The following GAS7 variants were observed in gnomAD, a reference collection of about 807,000 sequenced individuals.
The protein encoded by GAS7 is growth arrest specific 7, also known as growth arrest-specific protein 7.
Under a neutral mutation model 71.1 loss-of-function variants are expected in GAS7, and 28 were observed. The ratio of observed to expected loss-of-function variants is 0.39; its 90% CI spans 0.29 to 0.54. GAS7 has a LOEUF of 0.54. Ranked by LOEUF, GAS7 falls within the 20% of genes least tolerant of loss-of-function variation. GAS7 has a pLI of 0.62. For missense variants in GAS7, 436 were observed against 627.8 expected, an observed-to-expected ratio of 0.69 and a Z score of 3.27; for synonymous variants, 258 against 245.8, an observed-to-expected ratio of 1.05 and a Z score of -0.46.
chr17:10,069,486 T>C (rs1054576360), intron 1 of GAS7, among the ~76,000 whole-genome samples: 5 of 152,232 alleles, frequency 3.3e-5, no homozygotes, highest in African/African-American at 2.4e-5. Context: ...ACCACTACTA[T>C]GATGTTGGGT....
At chr17:10,176,337 C>G (rs949378824) in intron 1 of GAS7, among the ~76,000 whole-genome samples, 1 of 152,180 alleles carries the variant, frequency 6.6e-6, no homozygotes, top group Admixed American at 6.5e-5. Flanking sequence ...GTCGGGACAG[C>G]TGGGTGCAAG....
chr17:10,042,599 A>G (rs1396011711), intron 1 of GAS7, among the ~76,000 whole-genome samples: 2 of 152,216 alleles, frequency 1.3e-5, no homozygotes, highest in African/African-American at 4.8e-5. Flanking sequence ...TGGGCAAAAA[A>G]AAGGAATAAG....
chr17:9,921,651 G>A (rs1395418110), intron 11 of GAS7, among the ~76,000 whole-genome samples: 5 of 152,142 alleles, frequency 3.3e-5, no homozygotes, highest in African/African-American at 1.2e-4. Flanking sequence ...TTAAGACCAT[G>A]GATTGTGGGA....
At chr17:10,125,600 T>C (rs564782269) in intron 1 of GAS7, among the ~76,000 whole-genome samples, 4 of 150,578 alleles carry the variant, frequency 2.7e-5, no homozygotes, top group African/African-American at 9.8e-5. Context: ...AAATGGGGAT[T>C]GTTCTTTCTT....
Position 10,101,384 on chromosome 17 carries a change from G to A in GAS7, c.184-81487C>T, listed in dbSNP as rs367809516. Among the ~76,000 whole-genome samples, 26 of 152,356 alleles carry A rather than the reference G, an allele frequency of 1.7e-4. 1 individual carries two copies. In the Middle Eastern group the frequency reaches 0.014, roughly 80 times the overall value. On this transcript the variant is annotated intron_variant, in intron 1 of 13. Coordinates refer to ENST00000432992, the MANE Select transcript of GAS7 (RefSeq NM_201433.2). ...GCAGGCAAGAGAAAACAAGCATGGC[G>A]GAAGCCACGGCCATTTTGTTACCTG...
Position 9,961,690 on chromosome 17 carries a change from T to C in GAS7, c.472-2435A>G, listed in dbSNP as rs2152114796. On this transcript the variant is annotated intron_variant, in intron 4 of 13. Coordinates refer to ENST00000432992, the MANE Select transcript of GAS7 (RefSeq NM_201433.2). Reference sequence around the variant, plus strand: ...CAGGCTCCAGGTTAGCCATCTGACATATTTAATCTCATTTCATCCTTACAA... The same window carrying C: ...CAGGCTCCAGGTTAGCCATCTGACACATTTAATCTCATTTCATCCTTACAA... Among the ~76,000 whole-genome samples, 5 of 152,328 alleles carry C rather than the reference T, an allele frequency of 3.3e-5. No individual in the cohort carries two copies. The East Asian group carries it at 9.6e-4, about 29-fold the overall frequency.
chr17:9,915,521 C>T lies in GAS7; in HGVS notation c.*1707G>A, dbSNP rs2067559789. 1 of 227,734 alleles carries T rather than the reference C, an allele frequency of 4.4e-6. No individual in the cohort carries two copies. Among genetic ancestry groups the T allele is most frequent in the Non-Finnish European group, 8.7e-6 (1 of 114,606 alleles). 14.1% of individuals were successfully genotyped at this position (227,734 alleles called of 1,614,324 possible). On this transcript the variant is annotated 3_prime_UTR_variant, in exon 14 of 14. Coordinates refer to ENST00000432992, the MANE Select transcript of GAS7 (RefSeq NM_201433.2). Reference sequence around the variant, plus strand: ...GCTGACCTTTTTGGTTGCAATGTTTCAAGAACAAGAGAAAAGTGACAACGT... The same window carrying T: ...GCTGACCTTTTTGGTTGCAATGTTTTAAGAACAAGAGAAAAGTGACAACGT...
At chr17:10,098,233 G>A (rs948006828) in intron 1 of GAS7, among the ~76,000 whole-genome samples, 2 of 152,138 alleles carry the variant, frequency 1.3e-5, no homozygotes, top group African/African-American at 4.8e-5. Flanking sequence ...GCTACAAGGG[G>A]TAGGGACAGC....
intron 11 of GAS7, among the ~76,000 whole-genome samples, chr17:9,921,131 T>A (rs185443487): frequency 6.6e-6 from 1 of 151,928 alleles, no homozygotes; most frequent in East Asian, 1.9e-4. Context: ...AGAAAGTGGA[T>A]GCTGCACCGT....
At chr17:10,165,726 C>T (rs1279327578) in intron 1 of GAS7, among the ~76,000 whole-genome samples, 2 of 152,188 alleles carry the variant, frequency 1.3e-5, no homozygotes, top group Non-Finnish European at 2.9e-5. Context: ...AGAGGCTCCC[C>T]TACTCCAGCC....
At chr17:10,077,662 T>C (rs1597777647) in intron 1 of GAS7, among the ~76,000 whole-genome samples, 1 of 152,302 alleles carries the variant, frequency 6.6e-6, no homozygotes, top group East Asian at 1.9e-4. Context: ...AAACTAGTCC[T>C]GAGCTTCTGG....
At chr17:9,954,298 G>A (rs1373828254) in intron 5 of GAS7, among the ~76,000 whole-genome samples, 1 of 152,150 alleles carries the variant, frequency 6.6e-6, no homozygotes, top group African/African-American at 2.4e-5. Context: ...TCTTGCAGGG[G>A]TGCCAAGGTC....
rs373656824 is a variant in GAS7, at chr17:10,112,204, A to G, written c.183+86004T>C. 3.9e-5 allele frequency among the ~76,000 whole-genome samples: 6 copies of G among 152,290 alleles called. No homozygotes were observed. The East Asian group carries it at 9.7e-4, about 25-fold the overall frequency. On this transcript the variant is annotated intron_variant, in intron 1 of 13. Transcript: ENST00000432992. ...CAGAGAAATGCTGTCACTGCATCCA[A>G]TTCCACCGTGGATGCATCCTCGAGC...
At chr17:9,950,541 G>A (rs1280301125) in intron 5 of GAS7, among the ~76,000 whole-genome samples, 1 of 152,080 alleles carries the variant, frequency 6.6e-6, no homozygotes, top group African/African-American at 2.4e-5. Context: ...TGATAAGTGG[G>A]GAAAATCAAG....
At chr17:10,091,551 C>T (rs976698926) in intron 1 of GAS7, among the ~76,000 whole-genome samples, 1 of 152,068 alleles carries the variant, frequency 6.6e-6, no homozygotes. Flanking sequence ...CCACACCCAG[C>T]TAATTTTTGT....
intron 11 of GAS7, among the ~76,000 whole-genome samples, chr17:9,924,415 C>G (rs1331141678): frequency 6.6e-6 from 1 of 152,086 alleles, no homozygotes; most frequent in African/African-American, 2.4e-5. Context: ...TCAACTGATC[C>G]TCCTGCCTCA....
chr17:9,944,873 T>C (rs545150378), intron 6 of GAS7, among the ~76,000 whole-genome samples: 21 of 152,358 alleles, frequency 1.4e-4, no homozygotes, highest in African/African-American at 4.6e-4. Context: ...AGCTATGCAC[T>C]CTGGGGAAAA....
chr17:10,182,538 C>A (rs2074424292), intron 1 of GAS7, among the ~76,000 whole-genome samples: 1 of 152,180 alleles, frequency 6.6e-6, no homozygotes, highest in Non-Finnish European at 1.5e-5. Flanking sequence ...AAGCCAAGAA[C>A]CCATGTGGCC....
At chr17:9,994,954 A>G (rs2070982039) in intron 2 of GAS7, among the ~76,000 whole-genome samples, 1 of 152,238 alleles carries the variant, frequency 6.6e-6, no homozygotes, top group Non-Finnish European at 1.5e-5. Context: ...TGGAGCTGAC[A>G]GGGAAAGTGA....
Sources: allele counts gnomAD v4.1 joint callset (sites outside exome capture counted in the v4.1 genomes callset), GRCh38; gene constraint gnomAD v4.1.1; transcripts MANE v1.5; gene names NCBI Gene and HGNC (gene_info 2026-07-23, HGNC 2026-07-21).